The following FLRT2 variants were observed in gnomAD, a reference collection of about 807,000 sequenced individuals.
The protein encoded by FLRT2 is leucine-rich repeat transmembrane protein FLRT2.
Under a neutral mutation model 40.0 loss-of-function variants are expected in FLRT2, and 15 were observed. The ratio of observed to expected loss-of-function variants is 0.38; its 90% CI spans 0.25 to 0.58. The LOEUF is 0.58. Among genes scored for constraint, FLRT2 ranks in the 20% least tolerant of loss-of-function variants. The pLI is 0.71. For synonymous variants in FLRT2, 380 were observed against 336.8 expected, an observed-to-expected ratio of 1.13 and a Z score of -1.41; for missense variants, 726 against 840.0, an observed-to-expected ratio of 0.86 and a Z score of 1.68.
In FLRT2 at chr14:85,652,565, A is replaced by C. The variant is rs1476591446; in HGVS notation, c.*29068A>C. 6.6e-6 allele frequency: 1 copy of C among 152,202 alleles called. No individual in the cohort carries two copies. Among genetic ancestry groups the C allele is most frequent in the East Asian group, 1.9e-4 (1 of 5,200 alleles). 9.4% of individuals were successfully genotyped at this position (152,202 alleles called of 1,614,324 possible). On this transcript the variant is annotated 3_prime_UTR_variant, in exon 2 of 2. Transcript: ENST00000330753. ...TTTTAGACTAAAAGCCTTTGAATAA[A>C]ATATTATACAACTTTAAATAAATTT...
rs1297508653 is a variant in FLRT2 at position 85,621,482 on chromosome 14, C to T, written c.-33C>T. ...ATTTTTTTTTTCTTTTTCTTTTTCC[C>T]ACCACATTGTATTTTATTTCCGTAC... is the stretch of plus-strand genomic sequence containing the variant. On this transcript the variant is annotated 5_prime_UTR_variant, in exon 2 of 2. Coordinates refer to ENST00000330753, the MANE Select transcript of FLRT2 (RefSeq NM_013231.6). The T allele has an allele frequency of 8.5e-6, 13 of 1,536,308 alleles. No homozygotes were observed. Among genetic ancestry groups the T allele is most frequent in the Non-Finnish European group, 1.1e-5 (13 of 1,141,838 alleles).
At chr14:85,586,362 G>A (rs1439625069) in intron 1 of FLRT2, among the ~76,000 whole-genome samples, 2 of 151,954 alleles carry the variant, frequency 1.3e-5, no homozygotes, top group African/African-American at 2.4e-5. Flanking sequence ...TCTGCTTACT[G>A]CACTGACAAT....
At chr14:85,578,129 TG>T in intron 1 of FLRT2, among the ~76,000 whole-genome samples, 1 of 145,738 alleles carries the variant, frequency 6.9e-6, no homozygotes, top group Non-Finnish European at 1.5e-5. Flanking sequence ...TAAAAATATC[TG>T]TATATATATA....
chr14:85,566,610 A>G (rs1195704784), intron 1 of FLRT2, among the ~76,000 whole-genome samples: 1 of 148,518 alleles, frequency 6.7e-6, no homozygotes, highest in East Asian at 2.0e-4. Context: ...ATTTAGGTGA[A>G]AGCACTTTGG....
At chr14:85,599,120 C>T (rs1892270949) in intron 1 of FLRT2, among the ~76,000 whole-genome samples, 1 of 151,308 alleles carries the variant, frequency 6.6e-6, no homozygotes, top group Admixed American at 6.6e-5. Flanking sequence ...CAGGTTTTCA[C>T]TGTGTTAGCC....
At chr14:85,605,864 T>A (rs1364483661) in intron 1 of FLRT2, among the ~76,000 whole-genome samples, 2 of 152,192 alleles carry the variant, frequency 1.3e-5, no homozygotes, top group Non-Finnish European at 2.9e-5. Context: ...TCAGTTTTCA[T>A]CTATATATTT....
At chr14:85,611,917 CGTGTGTGT>C (rs71120529) in intron 1 of FLRT2, among the ~76,000 whole-genome samples, 1,740 of 130,934 alleles carry the variant, frequency 0.013, 15 homozygotes, top group Non-Finnish European at 0.019. Flanking sequence ...TGCGCGAAAG[CGTGTGTGT>C]GTGTGTGTGT....
At chr14:85,546,472 G>A (rs1414901175) in intron 1 of FLRT2, among the ~76,000 whole-genome samples, 3 of 152,124 alleles carry the variant, frequency 2.0e-5, no homozygotes, top group Non-Finnish European at 4.4e-5. Flanking sequence ...TACTACTTAG[G>A]TGTGGTAGCA....
rs1438234050 is a variant in FLRT2, at chr14:85,621,544, C to T, written c.30C>T (p.Ser10=). Residue 10 remains serine, a synonymous_variant, in exon 2 of 2, where the codon AGC becomes AGT. Coordinates refer to ENST00000330753, the MANE Select transcript of FLRT2 (RefSeq NM_013231.6). ...GCCTACAGACCACAAAGTGGCCCAG[C>T]CATGGGGCTTTTTTCCTGAAGTCTT... is the stretch of plus-strand genomic sequence containing the variant. MGLQTTKWP[S]HGAFFLKSWL... is the part of the protein sequence containing the mutation. 1.2e-6 allele frequency: 2 copies of T among 1,613,558 alleles called. No homozygotes were observed. The highest frequency in any genetic ancestry group is 2.7e-5 in the African/African-American group (2 of 74,840).
intron 1 of FLRT2, among the ~76,000 whole-genome samples, chr14:85,532,603 A>G (rs1888353712): frequency 6.6e-6 from 1 of 152,170 alleles, no homozygotes. Flanking sequence ...GGGAAATTTA[A>G]CAACGCTCTT....
rs1021934182 is a variant in FLRT2 at position 85,625,792 on chromosome 14, A to T, written c.*2295A>T. The stretch of plus-strand genomic sequence containing the variant: ...GTAGATAAAATTGTGCATTCAAATG[A>T]TGGTACTTTGACTTTTGAGGGTTTT... On this transcript the variant is annotated 3_prime_UTR_variant, in exon 2 of 2. Coordinates refer to ENST00000330753, the MANE Select transcript of FLRT2 (RefSeq NM_013231.6). The T allele has an allele frequency of 3.0e-5, 5 of 166,772 alleles. No homozygotes were observed. Among genetic ancestry groups the T allele is most frequent in the African/African-American group, 1.2e-4 (5 of 41,330 alleles). The allele number at this position is 166,772 out of a possible 1,614,324, so 10.3% of individuals were successfully genotyped here. A position where few individuals can be genotyped will look rare whatever the true frequency, so the allele number is the denominator to read the frequency against.
intron 1 of FLRT2, among the ~76,000 whole-genome samples, chr14:85,561,459 G>T (rs143583656): frequency 6.6e-6 from 1 of 152,168 alleles, no homozygotes; most frequent in Non-Finnish European, 1.5e-5. Context: ...ATTTTATTCT[G>T]CATTTCTTTG....
At position 85,633,139 on chromosome 14, in the gene FLRT2, A is replaced by G. The variant is rs1893923509; in HGVS notation, c.*9642A>G. 1 of 152,198 alleles carries G rather than the reference A, an allele frequency of 6.6e-6. No individual in the cohort carries two copies. The highest frequency in any genetic ancestry group is 1.5e-5 in the Non-Finnish European group (1 of 68,036). The allele number at this position is 152,198 out of a possible 1,614,324, so 9.4% of individuals were successfully genotyped here. On this transcript the variant is annotated 3_prime_UTR_variant, in exon 2 of 2. Coordinates refer to ENST00000330753, the MANE Select transcript of FLRT2 (RefSeq NM_013231.6). ...ATTACATGTAGAGATGATCTATTTA[A>G]AGGTAATTAGCATTCAAAATTCCTC...
Position 85,654,350 on chromosome 14 carries a change from G to A in FLRT2, c.*30853G>A, listed in dbSNP as rs928024809. On this transcript the variant is annotated 3_prime_UTR_variant, in exon 2 of 2. Coordinates refer to ENST00000330753, the MANE Select transcript of FLRT2 (RefSeq NM_013231.6). The stretch of plus-strand genomic sequence containing the variant: ...ATAAAAGTTACCCATATTCTTATCA[G>A]CCAGATCTAACTAATTTTACCATTT... 3 of 152,032 alleles carry A rather than the reference G, an allele frequency of 2.0e-5. No individual in the cohort carries two copies. Among genetic ancestry groups the A allele is most frequent in the African/African-American group, 4.8e-5 (2 of 41,400 alleles). 9.4% of individuals were successfully genotyped at this position (152,032 alleles called of 1,614,324 possible). A position where few individuals can be genotyped will look rare whatever the true frequency, so the allele number is the denominator to read the frequency against.
At chr14:85,605,956 T>A (rs1461823763) in intron 1 of FLRT2, among the ~76,000 whole-genome samples, 1 of 152,104 alleles carries the variant, frequency 6.6e-6, no homozygotes, top group Non-Finnish European at 1.5e-5. Flanking sequence ...TATATTGAGA[T>A]GAAAGATTTG....
chr14:85,608,620 C>T (rs1424274448), intron 1 of FLRT2, among the ~76,000 whole-genome samples: 2 of 149,208 alleles, frequency 1.3e-5, no homozygotes, highest in Admixed American at 6.6e-5. Context: ...GAATTAGTAA[C>T]TCTAGCAATA....
chr14:85,574,259 T>C (rs867158000), intron 1 of FLRT2, among the ~76,000 whole-genome samples: 7 of 150,998 alleles, frequency 4.6e-5, no homozygotes, highest in Middle Eastern at 3.5e-3. Context: ...ATAAAAAACA[T>C]ATATGTATAA....
chr14:85,633,179 T>G lies in FLRT2; in HGVS notation c.*9682T>G, dbSNP rs1893924505. On this transcript the variant is annotated 3_prime_UTR_variant, in exon 2 of 2. Transcript: ENST00000330753. ...CAAAATTCCTCAAAACACTCAATAA[T>G]TTGCACAGCTATTATCAAGATGGGT... The G allele has an allele frequency of 1.3e-5, 2 of 152,164 alleles. No homozygotes were observed. Among genetic ancestry groups the G allele is most frequent in the Non-Finnish European group, 2.9e-5 (2 of 68,024 alleles). 9.4% of individuals were successfully genotyped at this position (152,164 alleles called of 1,614,324 possible).
intron 1 of FLRT2, among the ~76,000 whole-genome samples, chr14:85,584,110 T>C (rs908565885): frequency 9.9e-5 from 15 of 152,192 alleles, no homozygotes; most frequent in African/African-American, 3.4e-4. Flanking sequence ...ACCAGTGAGT[T>C]TGCAGGCTCA....
Sources: allele counts gnomAD v4.1 joint callset (sites outside exome capture counted in the v4.1 genomes callset), GRCh38; gene constraint gnomAD v4.1.1; transcripts MANE v1.5; gene names NCBI Gene and HGNC (gene_info 2026-07-23, HGNC 2026-07-21).